The following HSD17B13 variants were observed in gnomAD, a reference collection of about 807,000 sequenced individuals.
The protein encoded by HSD17B13 is 17-beta-hydroxysteroid dehydrogenase 13.
Under a neutral mutation model 31.1 loss-of-function variants are expected in HSD17B13, and 26 were observed. The ratio of observed to expected loss-of-function variants is 0.84; its 90% CI spans 0.61 to 1.16. HSD17B13 has a LOEUF of 1.16. HSD17B13 is among the 50% of genes most tolerant of loss of function. The pLI is 0.00. For synonymous variants in HSD17B13, 141 were observed against 133.7 expected (o/e 1.05, Z -0.38); for missense variants, 374 against 366.5 (o/e 1.02, Z -0.17).
At chr4:87,316,895 G>T (rs1408429911) in intron 3 of HSD17B13, among the ~76,000 whole-genome samples, 197 bp downstream of exon 3, 2 of 152,128 alleles carry the variant, frequency 1.3e-5, no homozygotes, top group Non-Finnish European at 2.9e-5. Flanking sequence ...CTTACATTCT[G>T]GTGTGTTGTG....
chr4:87,320,686 C>T (rs949731526), intron 1 of HSD17B13, among the ~76,000 whole-genome samples: 2 of 152,202 alleles, frequency 1.3e-5, no homozygotes, highest in Non-Finnish European at 2.9e-5. Flanking sequence ...CGCGTCCGGC[C>T]TATTCTTCTG....
chr4:87,309,483 C>A (rs1258708775), intron 6 of HSD17B13, among the ~76,000 whole-genome samples: 1 of 142,036 alleles, frequency 7.0e-6, no homozygotes, highest in Non-Finnish European at 1.5e-5. Context: ...CTACAAAATA[C>A]AATTTAAAGA....
intron 4 of HSD17B13, among the ~76,000 whole-genome samples, chr4:87,314,483 G>A (rs1281384422): frequency 6.6e-6 from 1 of 152,024 alleles, no homozygotes; most frequent in East Asian, 1.9e-4. Context: ...TTTATTATGA[G>A]GATCTGGAGA....
chr4:87,314,248 T>C (rs541674845), intron 4 of HSD17B13, among the ~76,000 whole-genome samples: 20 of 152,218 alleles, frequency 1.3e-4, no homozygotes, highest in Non-Finnish European at 2.5e-4. Flanking sequence ...GGTTTTTCCA[T>C]TGAATCTTCA....
chr4:87,320,382 G>GTTTTTTTTTT (rs66590696), intron 1 of HSD17B13, among the ~76,000 whole-genome samples: 2 of 101,380 alleles, frequency 2.0e-5, no homozygotes, highest in Non-Finnish European at 1.9e-5. Flanking sequence ...TTATTCTTCA[G>GTTTTTTTTTT]TTTTTTTTTT....
chr4:87,322,796 A>G lies in HSD17B13; in HGVS notation c.46T>C (p.Tyr16His), dbSNP rs200847277. ...EILLLLITIIYSYLESLVKFF... is the reference protein window; with the variant it reads ...EILLLLITIIHSYLESLVKFF... ...TTCACCAACGACTCCAAGTAGGAGT[A>G]GATGATGGTGATCAGAAGCAGAAGG... Residue 16 changes from tyrosine to histidine, a missense_variant, in exon 1 of 7, where the codon TAC (tyrosine) becomes CAC (histidine). Physicochemically the swap from Tyr to His is moderately conservative, Grantham distance 83. Coordinates refer to ENST00000328546, the MANE Select transcript of HSD17B13 (RefSeq NM_178135.5). 1.2e-6 allele frequency: 2 copies of G among 1,614,070 alleles called. No homozygotes were observed. Among genetic ancestry groups the G allele is most frequent in the African/African-American group, 1.3e-5 (1 of 74,944 alleles).
rs776370777 is a variant in HSD17B13 at position 87,318,442 on chromosome 4, A to C, written c.211-6T>G. 3 of 1,612,812 alleles carry C rather than the reference A, an allele frequency of 1.9e-6. No homozygotes were observed. In the East Asian group the frequency reaches 6.7e-5, roughly 36 times the overall value. ...GCAGTTTCCTCCACACCGCGCTGTAATTAGGAAGAAACAAATTCCGAAAAA... is the reference window on the plus strand; with the variant it reads ...GCAGTTTCCTCCACACCGCGCTGTACTTAGGAAGAAACAAATTCCGAAAAA... On this transcript the variant is annotated splice_region_variant and splice_polypyrimidine_tract_variant and intron_variant, in intron 1 of 6. Transcript: ENST00000328546.
At chr4:87,316,838 A>C (rs1009185202) in intron 3 of HSD17B13, among the ~76,000 whole-genome samples, 1 of 152,220 alleles carries the variant, frequency 6.6e-6, no homozygotes, top group African/African-American at 2.4e-5. Flanking sequence ...CTCCTGGTAC[A>C]TGCCAAGCTT....
intron 6 of HSD17B13, among the ~76,000 whole-genome samples, chr4:87,307,076 C>T (rs10022237): frequency 0.49 from 74,524 of 151,622 alleles, 19,267 homozygotes; most frequent in African/African-American, 0.65. Context: ...ATGGAATGAG[C>T]AAAGGGGCAG....
chr4:87,319,043 G>A lies in HSD17B13; in HGVS notation c.211-607C>T, dbSNP rs934950119. On this transcript the variant is annotated intron_variant, in intron 1 of 6. Transcript: ENST00000328546. ...TAAAAATACAAAAAATTAGCTGGGCGTGGTGGTGGGAGCCTGTAATCCCAG... is the reference window on the plus strand; with the variant it reads ...TAAAAATACAAAAAATTAGCTGGGCATGGTGGTGGGAGCCTGTAATCCCAG... 2.6e-5 allele frequency among the ~76,000 whole-genome samples: 4 copies of A among 151,900 alleles called. No individual in the cohort carries two copies. In the East Asian group the frequency reaches 5.8e-4, roughly 22 times the overall value.
chr4:87,308,011 TCTC>T (rs1734430573), intron 6 of HSD17B13, among the ~76,000 whole-genome samples: 3 of 152,338 alleles, frequency 2.0e-5, no homozygotes, highest in Admixed American at 2.0e-4. Context: ...ATAGTTATCT[TCTC>T]ACTGATACAA....
At chr4:87,320,867 G>A (rs899951454) in intron 1 of HSD17B13, among the ~76,000 whole-genome samples, 1 of 152,132 alleles carries the variant, frequency 6.6e-6, no homozygotes, top group South Asian at 2.1e-4. Flanking sequence ...CAGGGCAAAA[G>A]GAGCCAGTTA....
chr4:87,322,659 G>A lies in HSD17B13; in HGVS notation c.183C>T (p.Ser61=), dbSNP rs773955891. Reference sequence around the variant, plus strand: ...TATTAATATCCCACAGAACCAATATGCTCTGTCGTTTTGCAAATTCATAAG... The same window carrying A: ...TATTAATATCCCACAGAACCAATATACTCTGTCGTTTTGCAAATTCATAAG... The part of the protein sequence containing the change: ...QTTYEFAKRQ[S]ILVLWDINKR... The change falls in exon 1 of 7, where the codon AGC becomes AGT. Residue 61 remains serine, a synonymous_variant. Transcript: ENST00000328546. 1 of 1,613,586 alleles carries A rather than the reference G, an allele frequency of 6.2e-7. No individual in the cohort carries two copies. The highest frequency in any genetic ancestry group is 2.2e-5 in the East Asian group (1 of 44,882).
In HSD17B13 at chr4:87,314,234, G is replaced by T. The variant is rs533085473; in HGVS notation, c.558-274C>A. Among the ~76,000 whole-genome samples the T allele has an allele frequency of 5.9e-5, 9 of 151,978 alleles. No individual in the cohort carries two copies. The South Asian group carries it at 1.5e-3, about 25-fold the overall frequency. On this transcript the variant is annotated intron_variant, in intron 4 of 6. Transcript: ENST00000328546. ...TAATGTTCAGTTTTCCATCCTACAT[G>T]TAAGGTTTTTCCATTGAATCTTCAA... is the stretch of plus-strand genomic sequence containing the variant.
At chr4:87,322,171 T>C (rs1483448508) in intron 1 of HSD17B13, among the ~76,000 whole-genome samples, 1 of 152,214 alleles carries the variant, frequency 6.6e-6, no homozygotes, top group African/African-American at 2.4e-5. Context: ...CTGGCAAACA[T>C]TTTCTGTAAA....
At chr4:87,315,794 C>T (rs1326484759) in intron 3 of HSD17B13, among the ~76,000 whole-genome samples, 195 bp from the exon 4 acceptor site, 3 of 151,992 alleles carry the variant, frequency 2.0e-5, no homozygotes, top group Non-Finnish European at 2.9e-5. Context: ...TATGGTAAGC[C>T]CCATGCCAAC....
intron 6 of HSD17B13, among the ~76,000 whole-genome samples, chr4:87,309,332 C>G (rs942195248): frequency 5.6e-5 from 7 of 125,940 alleles, no homozygotes; most frequent in African/African-American, 2.1e-4. Context: ...TGCAGTGAGC[C>G]AAGATCACGC....
At chr4:87,306,159 G>C (rs372983558) in intron 6 of HSD17B13, among the ~76,000 whole-genome samples, 3 of 152,144 alleles carry the variant, frequency 2.0e-5, no homozygotes, top group South Asian at 2.1e-4. Context: ...GTGCACCTTT[G>C]TAATATTCAT....
At chr4:87,310,170 T>C in intron 6 of HSD17B13, 73 bp downstream of exon 6, 3 of 1,401,478 alleles carry the variant, frequency 2.1e-6, no homozygotes, top group South Asian at 1.5e-5. Flanking sequence ...TGAGACTCTG[T>C]CTAAAAAAAA....
Sources: gnomAD v4.1 joint callset for allele counts (sites outside exome capture counted in the v4.1 genomes callset) on GRCh38, gnomAD v4.1.1 for gene constraint, MANE v1.5 for transcripts, NCBI Gene and HGNC (gene_info 2026-07-23, HGNC 2026-07-21) for gene names.